The following VWDE variants were observed in gnomAD, a reference collection of about 807,000 sequenced individuals.
The protein encoded by VWDE is von Willebrand factor D and EGF domains.
Under a neutral mutation model 178.4 loss-of-function variants are expected in VWDE, and 207 were observed. The observed-to-expected ratio is 1.16, with a 90% CI of 1.04 to 1.30. The LOEUF is 1.30. Ranked by LOEUF, VWDE falls within the 50% of genes most tolerant of loss-of-function variation. The probability of loss-of-function intolerance (pLI) is 0.00; values close to 1 mark genes in which losing one functional copy is unlikely to be tolerated. For synonymous variants in VWDE, 738 were observed against 651.4 expected (o/e 1.13, Z -2.02); for missense variants, 2,287 against 1,901.3 (o/e 1.20, Z -3.77).
At chr7:12,394,031 C>T (rs557389970) in intron 1 of VWDE, among the ~76,000 whole-genome samples, 156 of 152,222 alleles carry the variant, frequency 1.0e-3, no homozygotes, top group African/African-American at 3.6e-3. Context: ...GCTTTAAGAA[C>T]TTTATTTTCA....
At position 12,357,217 on chromosome 7, in the gene VWDE, TA is replaced by T. The variant is rs770312916; in HGVS notation, c.3525+47del. 489 of 1,530,848 alleles carry T rather than the reference TA, an allele frequency of 3.2e-4. 1 individual carries two copies. The highest frequency in any genetic ancestry group is 3.8e-4 in the Non-Finnish European group (434 of 1,135,778). The allele number at this position is 1,530,848 out of a possible 1,614,324, so 94.8% of individuals were successfully genotyped here. On this transcript the variant is annotated intron_variant, in intron 17 of 28. Transcript: ENST00000275358. Reference sequence around the variant, plus strand: ...GTATTTTAAATTCAAATAAAGTTGTTAAAATTGCAAAAGAATCCAGTGGCAC... The same window carrying T: ...GTATTTTAAATTCAAATAAAGTTGTTAAATTGCAAAAGAATCCAGTGGCAC...
chr7:12,357,440 A>G lies in VWDE; in HGVS notation c.3350T>C (p.Phe1117Ser). Residue 1117 changes from phenylalanine (F) to serine (S), a missense_variant, in exon 17 of 29, where the codon TTC becomes TCC. By Grantham distance (155) the Phe-to-Ser change is radical. Coordinates refer to ENST00000275358, the MANE Select transcript of VWDE (RefSeq NM_001135924.3). ...AGAACCTTCTGGATCGAAGGCCACG[A>G]ACTGATACTCAAAGTTTTCACCATA... ...TFYGENFEYQ[F>S]VAFDPEGSDI... The G allele has an allele frequency of 6.4e-7, 1 of 1,552,042 alleles. No homozygotes were observed. The highest frequency in any genetic ancestry group is 8.7e-7 in the Non-Finnish European group (1 of 1,147,078).
At chr7:12,354,644 C>G (rs1782124712) in intron 18 of VWDE, among the ~76,000 whole-genome samples, 1 of 152,164 alleles carries the variant, frequency 6.6e-6, no homozygotes, top group Non-Finnish European at 1.5e-5. Flanking sequence ...GTTTTTAAAA[C>G]TTACTGTATA....
chr7:12,337,346 C>G (rs548386878), intron 24 of VWDE, 74 bp from the exon 25 acceptor site: 1 of 1,244,692 alleles, frequency 8.0e-7, no homozygotes, highest in African/African-American at 1.5e-5. Flanking sequence ...GCATCATGTG[C>G]TTGTCATCAA....
At chr7:12,373,336 G>T (rs185095738) in intron 9 of VWDE, 89 bp from the exon 10 acceptor site, 2 of 1,362,474 alleles carry the variant, frequency 1.5e-6, no homozygotes, top group South Asian at 1.3e-5. Flanking sequence ...TATGTATCAC[G>T]ATCATTTTGT....
intron 1 of VWDE, among the ~76,000 whole-genome samples, chr7:12,401,342 C>A (rs1784884929): frequency 6.6e-6 from 1 of 152,244 alleles, no homozygotes; most frequent in Non-Finnish European, 1.5e-5. Flanking sequence ...CCCTCAGTAT[C>A]CACAGGGGAT....
intron 15 of VWDE, among the ~76,000 whole-genome samples, chr7:12,359,919 T>C (rs957792913): frequency 1.3e-5 from 2 of 152,156 alleles, no homozygotes; most frequent in African/African-American, 2.4e-5. Flanking sequence ...AAGTTTTATC[T>C]TTACAAAGTT....
chr7:12,389,004 C>CAAT (rs1190326714), intron 3 of VWDE, 123 bp downstream of exon 3: 2 of 814,780 alleles, frequency 2.5e-6, no homozygotes, highest in Non-Finnish European at 2.1e-6. Flanking sequence ...TTCAATCTAG[C>CAAT]AATAATGGTA....
intron 27 of VWDE, 137 bp downstream of exon 27, chr7:12,336,004 T>C: frequency 1.4e-6 from 1 of 709,286 alleles, no homozygotes; most frequent in Non-Finnish European, 2.3e-6. Flanking sequence ...TTGTTTTATA[T>C]CTAAAATCAT....
At chr7:12,377,955 A>T in intron 6 of VWDE, 35 bp from the exon 7 acceptor site, 1 of 1,330,106 alleles carries the variant, frequency 7.5e-7, no homozygotes, top group Non-Finnish European at 9.7e-7. Flanking sequence ...AATTATGTTA[A>T]AATATAATTT....
At chr7:12,361,298 T>C (rs1172843749) in intron 14 of VWDE, 47 bp from the exon 15 acceptor site, 1 of 1,537,492 alleles carries the variant, frequency 6.5e-7, no homozygotes, top group African/African-American at 1.4e-5. Context: ...CTAAATGTTC[T>C]AAATTCATTA....
chr7:12,361,094 G>C (rs1406476815), intron 15 of VWDE, 53 bp downstream of exon 15: 4 of 1,146,784 alleles, frequency 3.5e-6, no homozygotes, highest in African/African-American at 1.6e-5. Context: ...CACAGCATAG[G>C]AAATGAAAAT....
intron 4 of VWDE, among the ~76,000 whole-genome samples, chr7:12,382,602 A>G (rs111424790): frequency 6.6e-6 from 1 of 152,050 alleles, no homozygotes; most frequent in African/African-American, 2.4e-5. Context: ...TATATGATCT[A>G]TCCTGATTTA....
rs924358619 is a variant in VWDE at position 12,351,589 on chromosome 7, T to A, written c.3870A>T (p.Thr1290=). The A allele has an allele frequency of 9.0e-6, 14 of 1,548,908 alleles. No individual in the cohort carries two copies. In the Admixed American group the frequency reaches 2.2e-4, roughly 24 times the overall value. The part of the protein sequence containing the change: ...AQGRKRHVKP[T]SGNAFTICKY... ...ATTACTTACTGAAGGCATTTCCACT[T>A]GTTGGCTTAACATGCCTCTTTCTCC... Residue 1290 remains threonine (T), a synonymous_variant, in exon 19 of 29, where the codon ACA becomes ACT. Coordinates refer to ENST00000275358, the MANE Select transcript of VWDE (RefSeq NM_001135924.3).
chr7:12,334,620 ATATT>A lies in VWDE; in HGVS notation c.4655-1056_4655-1053del, dbSNP rs201789654. 1.1e-4 allele frequency among the ~76,000 whole-genome samples: 17 copies of A among 152,332 alleles called. No homozygotes were observed. In the East Asian group the frequency reaches 1.7e-3, roughly 16 times the overall value. On this transcript the variant is annotated intron_variant, in intron 27 of 28. Coordinates refer to ENST00000275358, the MANE Select transcript of VWDE (RefSeq NM_001135924.3). ...CATATTTTGTTTAAGAAATATCATT[ATATT>A]AAGACAATTTCTCAATAGTTTGAAA... is the stretch of plus-strand genomic sequence containing the variant.
At position 12,372,990 on chromosome 7, in the gene VWDE, C is replaced by T; in HGVS notation, c.1574G>A (p.Gly525Glu). The change falls in exon 10 of 29, where the codon GGA becomes GAA. Residue 525 changes from glycine (G) to glutamate (E), a missense_variant. By Grantham distance (98) the Gly-to-Glu change is moderately conservative. Transcript: ENST00000275358. ...AATCATACATACTGTGACTTTTCTT[C>T]CTAAGTAAGATTCACTTATCTTGAT... ...RNIKISESYL[G>E]RKVTIWFSSG... 1.9e-6 allele frequency: 3 copies of T among 1,550,908 alleles called. No homozygotes were observed. The highest frequency in any genetic ancestry group is 1.4e-5 in the African/African-American group (1 of 73,102).
chr7:12,387,582 C>CAT (rs1030125610), intron 3 of VWDE, among the ~76,000 whole-genome samples: 16 of 151,462 alleles, frequency 1.1e-4, no homozygotes, highest in Admixed American at 2.0e-4. Context: ...CACACACACA[C>CAT]ATATATATAT....
At position 12,356,312 on chromosome 7, in the gene VWDE, C is replaced by T. The variant is rs1016505760; in HGVS notation, c.3544G>A (p.Asp1182Asn). ...ACACATGATCCACCATTCAAGCAAT[C>T]ACAAGACTTCACAGTCACCTACAAA... ...VTIEVTVKSC[D>N]CLNGGSCVSD... is the part of the protein sequence containing the mutation. Residue 1182 changes from aspartate (D) to asparagine (N), a missense_variant, in exon 18 of 29, where the codon GAT becomes AAT. Coordinates refer to ENST00000275358, the MANE Select transcript of VWDE (RefSeq NM_001135924.3). 3.2e-6 allele frequency: 5 copies of T among 1,551,092 alleles called. No homozygotes were observed. Among genetic ancestry groups the T allele is most frequent in the Non-Finnish European group, 4.4e-6 (5 of 1,146,852 alleles).
chr7:12,375,108 C>T lies in VWDE; in HGVS notation c.1144G>A (p.Asp382Asn), dbSNP rs1387533595. Residue 382 changes from aspartate (D) to asparagine (N), a missense_variant, in exon 8 of 29, where the codon GAT becomes AAT. Coordinates refer to ENST00000275358, the MANE Select transcript of VWDE (RefSeq NM_001135924.3). ...HTFVYYTAVT[D>N]FSRDGDRVSN... is the part of the protein sequence containing the mutation. ...ACTCTATCTCCATCTCGAGAAAAATCTGTGACAGCAGTGTAGTACACAAAA... is the reference window on the plus strand; with the variant it reads ...ACTCTATCTCCATCTCGAGAAAAATTTGTGACAGCAGTGTAGTACACAAAA... The T allele has an allele frequency of 1.4e-5, 21 of 1,551,158 alleles. No homozygotes were observed. The highest frequency in any genetic ancestry group is 2.7e-5 in the African/African-American group (2 of 73,024).
Sources: allele counts gnomAD v4.1 joint callset (sites outside exome capture counted in the v4.1 genomes callset), GRCh38; gene constraint gnomAD v4.1.1; transcripts MANE v1.5; gene names NCBI Gene and HGNC (gene_info 2026-07-23, HGNC 2026-07-21).